Variants in EYS observed in about 807,000 individuals in gnomAD.
EYS encodes the protein EGF-like photoreceptor maintenance factor, also known as protein eyes shut homolog.
In EYS, 250 loss-of-function variants were observed where a neutral mutation model predicts 282.1. The ratio of observed to expected loss-of-function variants is 0.89; its 90% CI spans 0.80 to 0.98. The LOEUF is 0.98. Ranked by LOEUF, EYS falls within the 50% of genes least tolerant of loss-of-function variation. EYS has a pLI of 0.00. For missense variants in EYS, 4,016 were observed against 3,709.0 expected (o/e 1.08, Z -2.15); for synonymous variants, 1,355 against 1,282.9 (o/e 1.06, Z -1.20).
chr6:64,534,870 T>C (rs571030722), intron 26 of EYS, among the ~76,000 whole-genome samples: 7 of 152,022 alleles, frequency 4.6e-5, no homozygotes, highest in Non-Finnish European at 7.4e-5. Context: ...CAAACTGACA[T>C]ACAGTATGAC....
At chr6:64,777,883 T>C (rs114155428) in intron 22 of EYS, among the ~76,000 whole-genome samples, 2,626 of 152,236 alleles carry the variant, frequency 0.017, 59 homozygotes, top group African/African-American at 0.06. Context: ...CATATTCAAT[T>C]CCAGTAGATA....
At chr6:64,138,732 T>A (rs1481888645) in intron 31 of EYS, among the ~76,000 whole-genome samples, 1 of 152,182 alleles carries the variant, frequency 6.6e-6, no homozygotes, top group East Asian at 1.9e-4. Flanking sequence ...CTGAGCAGCC[T>A]GCTTGTACAA....
intron 31 of EYS, among the ~76,000 whole-genome samples, chr6:64,095,156 G>C (rs1772544518): frequency 6.6e-6 from 1 of 152,234 alleles, no homozygotes; most frequent in African/African-American, 2.4e-5. Flanking sequence ...CATTTGCTGA[G>C]GAGTGCTTTA....
At chr6:65,531,817 T>C (rs1047854249) in intron 2 of EYS, among the ~76,000 whole-genome samples, 10 of 152,142 alleles carry the variant, frequency 6.6e-5, no homozygotes, top group Admixed American at 3.3e-4. Flanking sequence ...GGAGCCACCA[T>C]AAGAAGCAAC....
At chr6:65,225,228 A>T (rs1253710254) in intron 12 of EYS, among the ~76,000 whole-genome samples, 1 of 150,718 alleles carries the variant, frequency 6.6e-6, no homozygotes, top group Non-Finnish European at 1.5e-5. Context: ...AACAAAACTA[A>T]GTCTAAAAAC....
chr6:65,174,710 AT>A (rs1199340063), intron 12 of EYS, among the ~76,000 whole-genome samples: 1 of 151,366 alleles, frequency 6.6e-6, no homozygotes, highest in African/African-American at 2.4e-5. Flanking sequence ...CACATTCTCT[AT>A]GCTTGACTGA....
intron 15 of EYS, among the ~76,000 whole-genome samples, chr6:64,942,315 A>G (rs1363949566): frequency 6.9e-6 from 1 of 145,422 alleles, no homozygotes; most frequent in East Asian, 2.0e-4. Context: ...TTGGAAAACC[A>G]GAAACATAAG....
chr6:64,662,847 T>G (rs1769091684), intron 22 of EYS, among the ~76,000 whole-genome samples: 1 of 152,142 alleles, frequency 6.6e-6, no homozygotes, highest in Non-Finnish European at 1.5e-5. Context: ...TGGATTTAGA[T>G]TCTGACTCAA....
At chr6:64,754,057 G>T (rs1278846277) in intron 22 of EYS, among the ~76,000 whole-genome samples, 1 of 151,996 alleles carries the variant, frequency 6.6e-6, no homozygotes, top group African/African-American at 2.4e-5. Flanking sequence ...TTGAAAAAAT[G>T]AAAATGGAAA....
At chr6:65,280,317 CACTAGGAAATGCGTTTATTCTCAAAA>C (rs1768181434) in intron 12 of EYS, among the ~76,000 whole-genome samples, 1 of 152,098 alleles carries the variant, frequency 6.6e-6, no homozygotes, top group Non-Finnish European at 1.5e-5. Flanking sequence ...TGAGTGTTCT[CACTAGGAAATGCGTTTATTCTCAAAA>C]ACAAATGTCT....
intron 5 of EYS, among the ~76,000 whole-genome samples, chr6:65,435,532 T>C (rs1768043019): frequency 6.6e-6 from 1 of 152,130 alleles, no homozygotes; most frequent in African/African-American, 2.4e-5. Context: ...AAGAGAGAGA[T>C]TAAATTGTTA....
intron 31 of EYS, among the ~76,000 whole-genome samples, chr6:64,206,495 T>C (rs1458311170): frequency 2.0e-5 from 3 of 152,260 alleles, no homozygotes; most frequent in African/African-American, 7.2e-5. Context: ...TTTAAAGTAA[T>C]GATTGGCTTT....
At chr6:63,852,491 T>C (rs1015834393) in intron 36 of EYS, among the ~76,000 whole-genome samples, 3 of 152,144 alleles carry the variant, frequency 2.0e-5, no homozygotes, top group African/African-American at 7.2e-5. Context: ...CCATAATTAA[T>C]AGCCTACCAA....
intron 12 of EYS, among the ~76,000 whole-genome samples, chr6:65,178,724 A>C (rs1375679299): frequency 6.6e-6 from 1 of 152,108 alleles, no homozygotes; most frequent in Non-Finnish European, 1.5e-5. Context: ...ATAGACATCT[A>C]CAGAACTCTC....
intron 15 of EYS, among the ~76,000 whole-genome samples, chr6:64,935,958 C>T (rs1768892155): frequency 6.6e-6 from 1 of 151,462 alleles, no homozygotes; most frequent in Admixed American, 6.6e-5. Flanking sequence ...GCTAATATTA[C>T]CCAGTCTAAA....
At chr6:64,749,820 A>G (rs1772683696) in intron 22 of EYS, among the ~76,000 whole-genome samples, 7 of 152,066 alleles carry the variant, frequency 4.6e-5, no homozygotes, top group Non-Finnish European at 8.8e-5. Flanking sequence ...TTTTTCATAC[A>G]TATTTTGATT....
chr6:65,166,605 C>A (rs1446024747), intron 12 of EYS, among the ~76,000 whole-genome samples: 1 of 151,058 alleles, frequency 6.6e-6, no homozygotes, highest in Non-Finnish European at 1.5e-5. Flanking sequence ...AAGAGCTAAA[C>A]CTATAAAACT....
chr6:63,983,427 G>A (rs552021766), intron 35 of EYS, among the ~76,000 whole-genome samples: 98 of 151,590 alleles, frequency 6.5e-4, no homozygotes, highest in African/African-American at 2.3e-3. Flanking sequence ...TTGTCTTTGT[G>A]ATTGGTTCTT....
intron 22 of EYS, among the ~76,000 whole-genome samples, chr6:64,644,163 G>T: frequency 1.3e-5 from 2 of 152,096 alleles, no homozygotes; most frequent in East Asian, 3.8e-4. Flanking sequence ...CTACCTTTCA[G>T]TAAAGTCATT....
Sources: allele counts gnomAD v4.1 joint callset (sites outside exome capture counted in the v4.1 genomes callset), GRCh38; gene constraint gnomAD v4.1.1; transcripts MANE v1.5; gene names NCBI Gene and HGNC (gene_info 2026-07-23, HGNC 2026-07-21).